AHRR: variants seen among roughly 807,000 people sequenced by gnomAD.
The protein encoded by AHRR is ahR repressor.
AHRR carries 28 observed loss-of-function variants against 44.0 expected under a neutral mutation model. The observed-to-expected ratio is 0.64, with a 90% CI of 0.47 to 0.87. AHRR has a LOEUF of 0.87. Among genes scored for constraint, AHRR ranks in the 40% least tolerant of loss-of-function variants. AHRR has a pLI of 0.00. For synonymous variants in AHRR, 434 were observed against 407.0 expected, an observed-to-expected ratio of 1.07 and a Z score of -0.80; for missense variants, 990 against 953.9, an observed-to-expected ratio of 1.04 and a Z score of -0.50.
intron 1 of AHRR, among the ~76,000 whole-genome samples, chr5:333,379 T>C (rs1322053433): frequency 6.6e-6 from 1 of 152,172 alleles, no homozygotes; most frequent in Non-Finnish European, 1.5e-5. Context: ...GTGGATCACT[T>C]GAGGTCAGGA....
chr5:414,673 G>C (rs1007803424), intron 5 of AHRR, among the ~76,000 whole-genome samples: 3 of 152,082 alleles, frequency 2.0e-5, no homozygotes, highest in Non-Finnish European at 4.4e-5. Context: ...CAAACAAATA[G>C]ATTTAAAACA....
intron 7 of AHRR, 84 bp downstream of exon 7, chr5:424,061 G>A: frequency 1.3e-6 from 2 of 1,530,692 alleles, no homozygotes; most frequent in Non-Finnish European, 8.8e-7. Flanking sequence ...AGGGCAAGAG[G>A]GGGTGGGGGC....
At chr5:423,265 A>G (rs1455812893) in intron 6 of AHRR, among the ~76,000 whole-genome samples, 1 of 152,240 alleles carries the variant, frequency 6.6e-6, no homozygotes. Context: ...GTTGCCATTC[A>G]GAGTTGGTTG....
chr5:425,508 C>A (rs992163586), intron 7 of AHRR, among the ~76,000 whole-genome samples: 1 of 152,124 alleles, frequency 6.6e-6, no homozygotes, highest in African/African-American at 2.4e-5. Context: ...TTAGTAGAGA[C>A]AGTGTTTCAC....
At chr5:391,519 ATG>A in intron 4 of AHRR, among the ~76,000 whole-genome samples, 1 of 63,968 alleles carries the variant, frequency 1.6e-5, no homozygotes, top group Non-Finnish European at 2.6e-5. Context: ...CAGAGCGTGC[ATG>A]GGGGCAGGGC....
chr5:352,150 C>T (rs1052857641), intron 2 of AHRR, among the ~76,000 whole-genome samples: 26 of 152,370 alleles, frequency 1.7e-4, no homozygotes, highest in Admixed American at 6.5e-4. Flanking sequence ...ATATCTAGAA[C>T]GAGATGGCAG....
At position 436,807 on chromosome 5, in the gene AHRR, G is replaced by T. The variant is rs1338856809; in HGVS notation, c.*1973G>T. The T allele has an allele frequency of 1.3e-5, 2 of 152,408 alleles. No homozygotes were observed. Among genetic ancestry groups the T allele is most frequent in the African/African-American group, 4.8e-5 (2 of 41,454 alleles). 9.4% of individuals were successfully genotyped at this position (152,408 alleles called of 1,614,324 possible). On this transcript the variant is annotated 3_prime_UTR_variant, in exon 11 of 11. Coordinates refer to ENST00000684583, the MANE Select transcript of AHRR (RefSeq NM_001377236.1). ...CCATGGGGTGACCAGCCACCTGAGG[G>T]TCAGTCACCTGTGGAGAGCAGGCAC...
intron 4 of AHRR, among the ~76,000 whole-genome samples, chr5:398,587 G>A (rs1734871523): frequency 6.6e-6 from 1 of 152,236 alleles, no homozygotes. Context: ...GGCAGTGTCA[G>A]CACAGGTGAG....
chr5:415,290 A>G (rs930342246), intron 5 of AHRR, among the ~76,000 whole-genome samples: 32 of 144,922 alleles, frequency 2.2e-4, no homozygotes, highest in African/African-American at 7.7e-4. Context: ...GATTAAAGCA[A>G]AAATCTGCCT....
chr5:423,455 A>G (rs1373198941), intron 6 of AHRR, among the ~76,000 whole-genome samples: 1 of 152,188 alleles, frequency 6.6e-6, no homozygotes, highest in African/African-American at 2.4e-5. Context: ...TCCTGTGCAG[A>G]GGGTGGCTCC....
chr5:323,270 G>C (rs1004256650), intron 1 of AHRR, among the ~76,000 whole-genome samples: 3 of 152,240 alleles, frequency 2.0e-5, no homozygotes, highest in African/African-American at 4.8e-5. Context: ...TGGGGAGTTT[G>C]GTCCAGTCCA....
Position 434,925 on chromosome 5 carries a change from C to A in AHRR, c.*91C>A. 6.9e-7 allele frequency: 1 copy of A among 1,452,096 alleles called. No individual in the cohort carries two copies. Among genetic ancestry groups the A allele is most frequent in the Non-Finnish European group, 9.2e-7 (1 of 1,092,852 alleles). 90.0% of individuals were successfully genotyped at this position (1,452,096 alleles called of 1,614,324 possible). A position where few individuals can be genotyped will look rare whatever the true frequency, so the allele number is the denominator to read the frequency against. ...CCCTGCTCCTGGTCAGGCCGGAGCCCGTCCTAAGACACACGCTTTGCAGAG... is the reference window on the plus strand; with the variant it reads ...CCCTGCTCCTGGTCAGGCCGGAGCCAGTCCTAAGACACACGCTTTGCAGAG... On this transcript the variant is annotated 3_prime_UTR_variant, in exon 11 of 11. Transcript: ENST00000684583.
At chr5:324,452 AT>A (rs888077136) in intron 1 of AHRR, among the ~76,000 whole-genome samples, 1 of 142,722 alleles carries the variant, frequency 7.0e-6, no homozygotes, top group African/African-American at 3.0e-5. Context: ...ATTCATTTAT[AT>A]AAAAAAATTA....
intron 4 of AHRR, among the ~76,000 whole-genome samples, chr5:413,065 T>C (rs1735536487): frequency 2.0e-5 from 3 of 152,162 alleles, no homozygotes; most frequent in Non-Finnish European, 4.4e-5. Context: ...CTGCCTCGTC[T>C]TAGGTACCAA....
intron 3 of AHRR, chr5:367,903 C>T (rs1473814126): frequency 1.4e-6 from 1 of 702,586 alleles, no homozygotes; most frequent in East Asian, 2.7e-5. Context: ...ATTGGACACC[C>T]AGGCCCTGAG....
At chr5:348,405 T>A (rs1742751501) in intron 2 of AHRR, among the ~76,000 whole-genome samples, 1 of 151,682 alleles carries the variant, frequency 6.6e-6, no homozygotes, top group Non-Finnish European at 1.5e-5. Flanking sequence ...GAACTGCACG[T>A]TTAAGGTGTG....
chr5:404,483 T>G lies in AHRR; in HGVS notation c.352-8861T>G, dbSNP rs1304323796. ...TGCACGGTGTGTTCACCAAAACATC[T>G]AACGCAACTATTTTCAGACTTTACG... On this transcript the variant is annotated intron_variant, in intron 4 of 10. Transcript: ENST00000684583. This position sits in a 1 kb window ranked among gnomAD's most constrained non-coding sequence, Gnocchi z 4.1. 4 of 474,010 alleles carry G rather than the reference T, an allele frequency of 8.4e-6. No homozygotes were observed. Among genetic ancestry groups the G allele is most frequent in the African/African-American group, 2.0e-5 (1 of 49,378 alleles). The allele number at this position is 474,010 out of a possible 1,614,324, so 29.4% of individuals were successfully genotyped here. A position where few individuals can be genotyped will look rare whatever the true frequency, so the allele number is the denominator to read the frequency against.
At chr5:421,162 C>T (rs1347704707) in intron 5 of AHRR, 1 of 580,584 alleles carries the variant, frequency 1.7e-6, no homozygotes, top group East Asian at 3.2e-5. Flanking sequence ...GCCTGGGAGG[C>T]CGCTCTGGCG....
In AHRR at chr5:383,653, C is replaced by T. The variant is rs183751368; in HGVS notation, c.351+6937C>T. On this transcript the variant is annotated intron_variant, in intron 4 of 10. Coordinates refer to ENST00000684583, the MANE Select transcript of AHRR (RefSeq NM_001377236.1). This position sits in a 1 kb window ranked among gnomAD's most constrained non-coding sequence, Gnocchi z 4.0. ...TCATAGCTCACTGTAACCTTGAACT[C>T]CTGAGCTCAAGAGATCCTCCCGCTT... Among the ~76,000 whole-genome samples, 1 of 152,054 alleles carries T rather than the reference C, an allele frequency of 6.6e-6. No individual in the cohort carries two copies. The highest frequency in any genetic ancestry group is 1.9e-4 in the East Asian group (1 of 5,186).
Sources: allele counts gnomAD v4.1 joint callset (sites outside exome capture counted in the v4.1 genomes callset), GRCh38; gene constraint gnomAD v4.1.1; non-coding constraint Gnocchi (gnomAD v3.1); transcripts MANE v1.5; gene names NCBI Gene and HGNC (gene_info 2026-07-23, HGNC 2026-07-21).